Variants in EPS8 observed in about 807,000 individuals in gnomAD.
EPS8 encodes epidermal growth factor receptor kinase substrate 8.
A neutral mutation model predicts 103.8 loss-of-function variants in EPS8; 42 were observed. That is an observed-to-expected ratio of 0.40 (90% CI 0.32 to 0.52). EPS8 has a LOEUF of 0.52. Among genes scored for constraint, EPS8 ranks in the 20% least tolerant of loss-of-function variants. The pLI is 0.40. For synonymous variants in EPS8, 344 were observed against 344.6 expected, an observed-to-expected ratio of 1.00 and a Z score of 0.02; for missense variants, 969 against 1,005.1, an observed-to-expected ratio of 0.96 and a Z score of 0.49.
chr12:15,709,839 T>G (rs762680577), intron 1 of EPS8, among the ~76,000 whole-genome samples: 9 of 152,208 alleles, frequency 5.9e-5, no homozygotes, highest in Non-Finnish European at 1.3e-4. Flanking sequence ...GTAGGCGGGA[T>G]GGATCAGAAT....
chr12:15,756,620 A>G (rs1946988914), intron 1 of EPS8, among the ~76,000 whole-genome samples: 2 of 152,192 alleles, frequency 1.3e-5, no homozygotes, highest in South Asian at 4.1e-4. Flanking sequence ...ATTAGATACT[A>G]GCATACTTCG....
intron 1 of EPS8, among the ~76,000 whole-genome samples, chr12:15,788,669 T>C (rs559804782): frequency 1.3e-5 from 2 of 152,290 alleles, no homozygotes; most frequent in Admixed American, 1.3e-4. Context: ...AACAATTAGC[T>C]ATGTTAATTC....
At position 15,777,787 on chromosome 12, in the gene EPS8, G is replaced by T. The variant is rs1248630151; in HGVS notation, c.-22+11374C>A. 5.9e-5 allele frequency among the ~76,000 whole-genome samples: 9 copies of T among 152,194 alleles called. No individual in the cohort carries two copies. Among genetic ancestry groups the T allele is most frequent in the Non-Finnish European group, 1.0e-4 (7 of 68,030 alleles). ...TGGGAGGAGGAAAAGAGTTGGGAAA[G>T]GGGGTGATGAAGGAAAGCCCACATG... On this transcript the variant is annotated intron_variant, in intron 1 of 20. Transcript: ENST00000281172. The surrounding 1 kb of genome is among the most constrained non-coding windows in gnomAD (Gnocchi z 4.7).
intron 3 of EPS8, among the ~76,000 whole-genome samples, chr12:15,678,719 G>A (rs1369687837): frequency 2.0e-5 from 3 of 151,960 alleles, no homozygotes; most frequent in Non-Finnish European, 4.4e-5. Flanking sequence ...CCAAAGTGCT[G>A]GGATCACAGG....
intron 20 of EPS8, among the ~76,000 whole-genome samples, chr12:15,622,098 G>A (rs967758684): frequency 6.6e-6 from 1 of 152,140 alleles, no homozygotes; most frequent in Admixed American, 6.6e-5. Context: ...GACAGCAAAT[G>A]ACAATAATGA....
At chr12:15,641,403 C>T (rs193184144) in intron 16 of EPS8, among the ~76,000 whole-genome samples, 104 of 151,830 alleles carry the variant, frequency 6.8e-4, no homozygotes, top group Non-Finnish European at 1.8e-4. Context: ...CTATTATGTG[C>T]ATCCACATCT....
intron 12 of EPS8, 199 bp from the exon 13 acceptor site, chr12:15,654,492 A>C: frequency 5.1e-6 from 3 of 584,660 alleles, no homozygotes; most frequent in East Asian, 2.9e-5. Flanking sequence ...TAAAACCTAA[A>C]TGAAAGTTAA....
At chr12:15,711,854 A>G (rs1030752125) in intron 1 of EPS8, among the ~76,000 whole-genome samples, 13 of 152,250 alleles carry the variant, frequency 8.5e-5, no homozygotes, top group African/African-American at 3.1e-4. Context: ...GGATCAAAAC[A>G]GCCATAACCA....
At position 15,757,138 on chromosome 12, in the gene EPS8, A is replaced by G. The variant is rs1417777088; in HGVS notation, c.-22+32023T>C. Among the ~76,000 whole-genome samples, 1 of 152,192 alleles carries G rather than the reference A, an allele frequency of 6.6e-6. No homozygotes were observed. The highest frequency in any genetic ancestry group is 1.9e-4 in the East Asian group (1 of 5,200). On this transcript the variant is annotated intron_variant, in intron 1 of 20. Transcript: ENST00000281172. This position sits in a 1 kb window ranked among gnomAD's most constrained non-coding sequence, Gnocchi z 4.1. The stretch of plus-strand genomic sequence containing the variant: ...TAGTAACTGTAATAGAAACCTAGAA[A>G]TATTTATTAAATCAAGCTACAAAAT...
rs1438432665 is a variant in EPS8, at chr12:15,781,394, T to C, written c.-22+7767A>G. On this transcript the variant is annotated intron_variant, in intron 1 of 20. Coordinates refer to ENST00000281172, the MANE Select transcript of EPS8 (RefSeq NM_004447.6). The surrounding 1 kb of genome is among the most constrained non-coding windows in gnomAD (Gnocchi z 4.1). ...CAACCAAGTGGAAAGGGCATGGATT[T>C]TGGAGTCAGGTCAGGGTTCTCATCC... Among the ~76,000 whole-genome samples, 1 of 152,220 alleles carries C rather than the reference T, an allele frequency of 6.6e-6. No individual in the cohort carries two copies. The highest frequency in any genetic ancestry group is 1.5e-5 in the Non-Finnish European group (1 of 68,040).
intron 1 of EPS8, among the ~76,000 whole-genome samples, chr12:15,703,858 T>TC (rs1392905600): frequency 6.8e-6 from 1 of 146,188 alleles, no homozygotes; most frequent in South Asian, 2.2e-4. Flanking sequence ...TTTTTTTTTT[T>TC]TTTTTTTTTT....
chr12:15,646,589 GA>G (rs1250345558), intron 15 of EPS8, among the ~76,000 whole-genome samples: 3 of 152,068 alleles, frequency 2.0e-5, no homozygotes, highest in Non-Finnish European at 4.4e-5. Flanking sequence ...AATTTTTTAA[GA>G]GTGAAGATAT....
At chr12:15,665,666 G>A in intron 8 of EPS8, 90 bp downstream of exon 8, 1 of 1,480,882 alleles carries the variant, frequency 6.8e-7, no homozygotes, top group Non-Finnish European at 9.4e-7. Context: ...TCAAGCTTCA[G>A]TTCTGAAATC....
chr12:15,786,049 A>T (rs1947307612), intron 1 of EPS8, among the ~76,000 whole-genome samples: 1 of 151,934 alleles, frequency 6.6e-6, no homozygotes, highest in African/African-American at 2.4e-5. Flanking sequence ...CTACCATCAA[A>T]GGGGGAAGCA....
rs911876179 is a variant in EPS8, at chr12:15,769,991, G to A, written c.-22+19170C>T. ...AGGGTCTCGCTCTTTCACCCATGCT[G>A]CAGTGTAGTGGCATGATCTTGGCTC... On this transcript the variant is annotated intron_variant, in intron 1 of 20. Transcript: ENST00000281172. This position sits in a 1 kb window ranked among gnomAD's most constrained non-coding sequence, Gnocchi z 4.6. 6.1e-5 allele frequency among the ~76,000 whole-genome samples: 9 copies of A among 148,552 alleles called. No homozygotes were observed. Among genetic ancestry groups the A allele is most frequent in the African/African-American group, 2.2e-4 (9 of 40,212 alleles).
intron 12 of EPS8, 192 bp from the exon 13 acceptor site, chr12:15,654,485 A>G (rs1229238732): frequency 1.7e-6 from 1 of 598,330 alleles, no homozygotes. Flanking sequence ...AGTGCTTTAA[A>G]ACCTAAATGA....
intron 9 of EPS8, 53 bp downstream of exon 9, chr12:15,661,973 C>A: frequency 7.6e-7 from 1 of 1,315,586 alleles, no homozygotes; most frequent in Non-Finnish European, 1.1e-6. Flanking sequence ...ATGAAGTTTT[C>A]TTTTTCCTCT....
At chr12:15,636,017 T>C (rs987347867) in intron 17 of EPS8, among the ~76,000 whole-genome samples, 2 of 152,188 alleles carry the variant, frequency 1.3e-5, no homozygotes, top group African/African-American at 2.4e-5. Context: ...ATTGGATATA[T>C]AATAAATAAC....
At chr12:15,770,921 C>T (rs1049825806) in intron 1 of EPS8, among the ~76,000 whole-genome samples, 20 of 152,292 alleles carry the variant, frequency 1.3e-4, no homozygotes, top group Admixed American at 8.5e-4. Context: ...CATTGAGCGT[C>T]TATCACACAA....
Sources: gnomAD v4.1 joint callset for allele counts (sites outside exome capture counted in the v4.1 genomes callset) on GRCh38, gnomAD v4.1.1 for gene constraint, Gnocchi (gnomAD v3.1) non-coding constraint, MANE v1.5 for transcripts, NCBI Gene and HGNC (gene_info 2026-07-23, HGNC 2026-07-21) for gene names.